Variants in PACSIN2 observed in about 807,000 individuals in gnomAD.
The protein encoded by PACSIN2 is protein kinase C and casein kinase substrate in neurons 2.
Under a neutral mutation model 63.8 loss-of-function variants are expected in PACSIN2, and 25 were observed. The ratio of observed to expected loss-of-function variants is 0.39; its 90% CI spans 0.29 to 0.55. The LOEUF (loss-of-function observed/expected upper bound fraction) is 0.55. PACSIN2 is among the 20% of genes least tolerant of loss of function. The probability of loss-of-function intolerance (pLI) is 0.62; values close to 1 mark genes in which losing one functional copy is unlikely to be tolerated. For missense variants in PACSIN2, 518 were observed against 646.9 expected (o/e 0.80, Z 2.16); for synonymous variants, 255 against 256.2 (o/e 1.00, Z 0.05).
chr22:42,952,693 C>T (rs5759055), intron 1 of PACSIN2, among the ~76,000 whole-genome samples: 90,505 of 150,352 alleles, frequency 0.6, 27,791 homozygotes, highest in East Asian at 0.78. Context: ...GATGGAGTCT[C>T]GCTCTGTCGC....
chr22:42,895,198 G>C (rs1441026921), intron 2 of PACSIN2, among the ~76,000 whole-genome samples: 2 of 152,226 alleles, frequency 1.3e-5, no homozygotes, highest in African/African-American at 4.8e-5. Flanking sequence ...AGCAGCTCCT[G>C]TGAGGAAGTC....
intron 1 of PACSIN2, among the ~76,000 whole-genome samples, chr22:42,990,286 A>G (rs931772222): frequency 5.9e-5 from 9 of 152,122 alleles, no homozygotes; most frequent in African/African-American, 2.2e-4. Flanking sequence ...ACTCCTCCCA[A>G]AGAATGAATC....
intron 1 of PACSIN2, chr22:42,993,880 C>T (rs150563839): frequency 4.6e-5 from 7 of 152,336 alleles, no homozygotes; most frequent in Middle Eastern, 6.8e-3. Context: ...GAATGTGGCC[C>T]AAAAGGTTCC....
At chr22:42,945,379 C>T (rs1933371413) in intron 1 of PACSIN2, among the ~76,000 whole-genome samples, 1 of 152,116 alleles carries the variant, frequency 6.6e-6, no homozygotes, top group Non-Finnish European at 1.5e-5. Context: ...CAGGCCCTCT[C>T]TCTTACGTCT....
At chr22:42,990,404 T>C (rs1922962346) in intron 1 of PACSIN2, among the ~76,000 whole-genome samples, 1 of 152,036 alleles carries the variant, frequency 6.6e-6, no homozygotes, top group Non-Finnish European at 1.5e-5. Context: ...CACACTACAA[T>C]ACAAAATGCA....
intron 1 of PACSIN2, among the ~76,000 whole-genome samples, chr22:43,004,554 G>T (rs1367791038): frequency 6.6e-6 from 1 of 152,220 alleles, no homozygotes; most frequent in African/African-American, 2.4e-5. Context: ...TCTGTACAGG[G>T]AGCACTGCCT....
chr22:42,958,655 A>G (rs1052079952), intron 1 of PACSIN2, among the ~76,000 whole-genome samples: 1 of 152,228 alleles, frequency 6.6e-6, no homozygotes, highest in African/African-American at 2.4e-5. Context: ...CATACTATAT[A>G]CCTTGGGGGT....
intron 1 of PACSIN2, among the ~76,000 whole-genome samples, chr22:42,981,636 CGGGA>C (rs1283371099): frequency 8.3e-5 from 10 of 120,090 alleles, no homozygotes; most frequent in Non-Finnish European, 1.2e-4. Flanking sequence ...CCGCCCCGTC[CGGGA>C]GGGAGGTGGG....
intron 2 of PACSIN2, among the ~76,000 whole-genome samples, chr22:42,902,763 A>G (rs1483237014): frequency 1.3e-5 from 2 of 152,066 alleles, no homozygotes; most frequent in Non-Finnish European, 2.9e-5. Flanking sequence ...ACAGACATGC[A>G]CCACCACGCC....
At position 42,894,250 on chromosome 22, in the gene PACSIN2, GT is replaced by G. The variant is rs35729516; in HGVS notation, c.61-638del. On this transcript the variant is annotated intron_variant, in intron 2 of 10. Coordinates refer to ENST00000263246, the MANE Select transcript of PACSIN2 (RefSeq NM_001184970.3). ...GGCTAGGCTGGAGCTGAAGGCAATT[GT>G]TTTTTTTTTTGAGACACAGTCTCGC... is the stretch of plus-strand genomic sequence containing the variant. Among the ~76,000 whole-genome samples, 10 of 148,984 alleles carry G rather than the reference GT, an allele frequency of 6.7e-5. No homozygotes were observed. In the East Asian group the frequency reaches 7.8e-4, roughly 12 times the overall value.
At chr22:42,969,001 T>C (rs1921039576) in intron 1 of PACSIN2, among the ~76,000 whole-genome samples, 1 of 151,976 alleles carries the variant, frequency 6.6e-6, no homozygotes, top group African/African-American at 2.4e-5. Flanking sequence ...TCTACAACCA[T>C]GTGAGCCAAT....
chr22:42,878,797 C>G (rs1405456183), intron 8 of PACSIN2, among the ~76,000 whole-genome samples: 1 of 152,228 alleles, frequency 6.6e-6, no homozygotes, highest in Non-Finnish European at 1.5e-5. Flanking sequence ...CCAAGCCTCC[C>G]TCTCTGGATC....
chr22:42,899,075 G>A (rs937176895), intron 2 of PACSIN2, among the ~76,000 whole-genome samples: 15 of 152,176 alleles, frequency 9.9e-5, no homozygotes, highest in African/African-American at 2.9e-4. Flanking sequence ...AAGCTCTGTG[G>A]TGCTCCCAAC....
chr22:42,968,253 G>T (rs1179018951), intron 1 of PACSIN2, among the ~76,000 whole-genome samples: 1 of 152,136 alleles, frequency 6.6e-6, no homozygotes, highest in Non-Finnish European at 1.5e-5. Flanking sequence ...TGTTGTTTTG[G>T]GGAAGGCAAA....
At chr22:42,938,178 T>A (rs775140596) in intron 1 of PACSIN2, among the ~76,000 whole-genome samples, 2 of 152,200 alleles carry the variant, frequency 1.3e-5, no homozygotes, top group Admixed American at 6.5e-5. Flanking sequence ...TCAATCACTC[T>A]CTCCACTGGA....
At chr22:42,951,280 A>G (rs185158751) in intron 1 of PACSIN2, among the ~76,000 whole-genome samples, 1 of 152,256 alleles carries the variant, frequency 6.6e-6, no homozygotes, top group East Asian at 1.9e-4. Context: ...TCTCTAGACA[A>G]GTAATTCCGG....
intron 3 of PACSIN2, among the ~76,000 whole-genome samples, chr22:42,892,552 G>A (rs936138059): frequency 3.3e-5 from 5 of 152,236 alleles, no homozygotes; most frequent in Non-Finnish European, 7.3e-5. Flanking sequence ...GGCTGCAGCA[G>A]GTGGAAACGA....
At chr22:42,995,178 T>C (rs1923314774) in intron 1 of PACSIN2, among the ~76,000 whole-genome samples, 1 of 152,248 alleles carries the variant, frequency 6.6e-6, no homozygotes, top group African/African-American at 2.4e-5. Flanking sequence ...GTTCTTCCTC[T>C]ATAAAGTGAG....
intron 1 of PACSIN2, among the ~76,000 whole-genome samples, chr22:42,957,839 C>G (rs184329218): frequency 4.6e-5 from 7 of 152,228 alleles, no homozygotes; most frequent in Non-Finnish European, 1.0e-4. Flanking sequence ...TTAAGTTTGG[C>G]ATTCTCATCT....
Sources: allele counts gnomAD v4.1 joint callset (sites outside exome capture counted in the v4.1 genomes callset), GRCh38; gene constraint gnomAD v4.1.1; transcripts MANE v1.5; gene names NCBI Gene and HGNC (gene_info 2026-07-23, HGNC 2026-07-21).